The following ELAVL2 variants were observed in gnomAD, a reference collection of about 807,000 sequenced individuals.
ELAVL2 encodes the protein ELAV like RNA binding protein 2, also known as ELAV-like protein 2.
A neutral mutation model predicts 34.6 loss-of-function variants in ELAVL2; 4 were observed. That is an observed-to-expected ratio of 0.12 (90% CI 0.06 to 0.26). The LOEUF is 0.26. ELAVL2 is among the 10% of genes least tolerant of loss of function. The pLI is 1.00. For synonymous variants in ELAVL2, 193 were observed against 154.8 expected (o/e 1.25, Z -1.83); for missense variants, 432 against 442.8 (o/e 0.98, Z 0.22).
intron 1 of ELAVL2, among the ~76,000 whole-genome samples, chr9:23,765,813 G>A (rs938305702): frequency 1.3e-5 from 2 of 152,098 alleles, no homozygotes; most frequent in Non-Finnish European, 2.9e-5. Flanking sequence ...CTTTGTCCCT[G>A]AACGAAATCA....
chr9:23,768,899 C>T (rs918386187), intron 1 of ELAVL2, among the ~76,000 whole-genome samples: 1 of 152,118 alleles, frequency 6.6e-6, no homozygotes, highest in Non-Finnish European at 1.5e-5. Context: ...GATCTTCATA[C>T]TAACTAGAAA....
chr9:23,781,970 C>T (rs951957877), intron 1 of ELAVL2, among the ~76,000 whole-genome samples: 3 of 152,116 alleles, frequency 2.0e-5, no homozygotes, highest in Non-Finnish European at 2.9e-5. Flanking sequence ...AGGCGTGAGC[C>T]ACCGCGCCTG....
chr9:23,846,359 G>A, the ELAVL2 span, among the ~76,000 whole-genome samples: 1 of 151,476 alleles, frequency 6.6e-6, no homozygotes, highest in Non-Finnish European at 1.5e-5. Flanking sequence ...ACATATTATC[G>A]TAAAAAAATC....
intron 1 of ELAVL2, among the ~76,000 whole-genome samples, chr9:23,799,731 T>C (rs1340908274): frequency 6.6e-6 from 1 of 152,208 alleles, no homozygotes; most frequent in African/African-American, 2.4e-5. Flanking sequence ...TGCTTCCTGC[T>C]AGACTAAGCT....
intron 2 of ELAVL2, among the ~76,000 whole-genome samples, chr9:23,744,833 T>G (rs1024169294): frequency 2.6e-5 from 4 of 152,114 alleles, no homozygotes; most frequent in Non-Finnish European, 5.9e-5. Flanking sequence ...CAAAGCTAAT[T>G]TGTTCCTTCA....
the ELAVL2 span, among the ~76,000 whole-genome samples, chr9:23,844,928 C>T: frequency 1.3e-5 from 2 of 151,814 alleles, no homozygotes; most frequent in Non-Finnish European, 2.9e-5. Flanking sequence ...GATTCCAGGA[C>T]CTATGCAGGA....
chr9:23,753,967 C>T (rs773257798), intron 2 of ELAVL2, among the ~76,000 whole-genome samples: 2 of 152,154 alleles, frequency 1.3e-5, no homozygotes, highest in Non-Finnish European at 2.9e-5. Context: ...TATTCCTAAT[C>T]TACTGGTAAG....
At chr9:23,705,131 A>T in intron 3 of ELAVL2, 60 bp from the exon 4 acceptor site, 1 of 1,589,110 alleles carries the variant, frequency 6.3e-7, no homozygotes, top group Non-Finnish European at 8.6e-7. Context: ...CTCCCTTTAG[A>T]AACTCAAAAA....
At chr9:23,779,369 A>T (rs527246109) in intron 1 of ELAVL2, 15 of 985,474 alleles carry the variant, frequency 1.5e-5, no homozygotes, top group East Asian at 1.1e-4. Flanking sequence ...AGGCAAGGGA[A>T]GAAAGCAACG....
chr9:23,782,674 G>A (rs1319848853), intron 1 of ELAVL2, among the ~76,000 whole-genome samples: 1 of 152,196 alleles, frequency 6.6e-6, no homozygotes, highest in African/African-American at 2.4e-5. Flanking sequence ...GATTTAGCCT[G>A]AAGACAATTA....
At chr9:23,784,611 T>C (rs995028510) in intron 1 of ELAVL2, among the ~76,000 whole-genome samples, 8 of 152,158 alleles carry the variant, frequency 5.3e-5, no homozygotes, top group Admixed American at 5.2e-4. Context: ...AGTTTTACAA[T>C]TATGGATAAA....
chr9:23,822,546 A>G (rs1210557546), intron 1 of ELAVL2, among the ~76,000 whole-genome samples: 4 of 152,028 alleles, frequency 2.6e-5, no homozygotes, highest in Admixed American at 6.5e-5. Flanking sequence ...GCCAAGCTCA[A>G]TCCCTTTTCC....
intron 5 of ELAVL2, among the ~76,000 whole-genome samples, chr9:23,697,360 G>A (rs1370317950): frequency 6.6e-6 from 1 of 152,178 alleles, no homozygotes; most frequent in Non-Finnish European, 1.5e-5. Flanking sequence ...CATGAAGTCA[G>A]ATGAGATATC....
intron 1 of ELAVL2, among the ~76,000 whole-genome samples, chr9:23,791,397 G>C (rs890306865): frequency 6.6e-6 from 1 of 152,130 alleles, no homozygotes; most frequent in Non-Finnish European, 1.5e-5. Flanking sequence ...CCCTGTTAGA[G>C]AACTGAAGTG....
At chr9:23,777,567 G>A (rs2058416160) in intron 1 of ELAVL2, among the ~76,000 whole-genome samples, 1 of 152,104 alleles carries the variant, frequency 6.6e-6, no homozygotes, top group South Asian at 2.1e-4. Context: ...GCAGGCCTTG[G>A]AATTGAGTTG....
At chr9:23,702,751 T>G (rs182553327) in intron 4 of ELAVL2, among the ~76,000 whole-genome samples, 1 of 151,922 alleles carries the variant, frequency 6.6e-6, no homozygotes, top group African/African-American at 2.4e-5. Flanking sequence ...TTGCACATTA[T>G]TACCACCTGA....
chr9:23,743,520 G>A (rs2049784347), intron 2 of ELAVL2, among the ~76,000 whole-genome samples: 1 of 152,154 alleles, frequency 6.6e-6, no homozygotes, highest in Non-Finnish European at 1.5e-5. Flanking sequence ...CCTGCCGAAT[G>A]AGCAGAGCAC....
At chr9:23,701,680 A>T in intron 4 of ELAVL2, 76 bp from the exon 5 acceptor site, 1 of 1,463,992 alleles carries the variant, frequency 6.8e-7, no homozygotes. Context: ...AGGACACATT[A>T]ATTTTTCCTT....
chr9:23,774,419 T>G (rs1047441187), intron 1 of ELAVL2, among the ~76,000 whole-genome samples: 1 of 152,102 alleles, frequency 6.6e-6, no homozygotes, highest in Non-Finnish European at 1.5e-5. Context: ...TCATGACTGT[T>G]AATTCCTGTC....
Sources: allele counts gnomAD v4.1 joint callset (sites outside exome capture counted in the v4.1 genomes callset), GRCh38; gene constraint gnomAD v4.1.1; transcripts MANE v1.5; gene names NCBI Gene and HGNC (gene_info 2026-07-23, HGNC 2026-07-21).